The following STAT6 variants were observed in gnomAD, a reference collection of about 807,000 sequenced individuals.
The protein encoded by STAT6 is signal transducer and activator of transcription 6.
In STAT6, 45 loss-of-function variants were observed where a neutral mutation model predicts 106.3. That is an observed-to-expected ratio of 0.42 (90% CI 0.33 to 0.54). The LOEUF (loss-of-function observed/expected upper bound fraction) is 0.54, where lower values mean the gene tolerates loss of function less well. STAT6 is among the 20% of genes least tolerant of loss of function. STAT6 has a pLI of 0.06. For synonymous variants in STAT6, 413 were observed against 413.6 expected (o/e 1.00, Z 0.02); for missense variants, 797 against 1,062.2 (o/e 0.75, Z 3.47).
intron 7 of STAT6, 56 bp from the exon 8 acceptor site, chr12:57,105,655 A>G: frequency 6.3e-7 from 1 of 1,583,592 alleles, no homozygotes; most frequent in Non-Finnish European, 8.6e-7. Context: ...GCTCCGGCCC[A>G]GACCCCCTTC....
In STAT6 at chr12:57,106,228, C is replaced by T. The variant is rs1171661454; in HGVS notation, c.643G>A (p.Ala215Thr). The T allele has an allele frequency of 5.0e-6, 8 of 1,614,080 alleles. No homozygotes were observed. Among genetic ancestry groups the T allele is most frequent in the Non-Finnish European group, 6.8e-6 (8 of 1,180,038 alleles). Residue 215 changes from alanine to threonine, a missense_variant, in exon 7 of 22, where the codon GCA becomes ACA. By Grantham distance (58) the Ala-to-Thr change is moderately conservative (BLOSUM62 0). Around this residue, in one of 4 missense-constraint regions of STAT6, gnomAD observed 336 missense variants for 429.8 expected, o/e 0.78. Coordinates refer to ENST00000300134, the MANE Select transcript of STAT6 (RefSeq NM_003153.5). ...GGGGCCAGGCTCTCCTCAAACGGTG[C>T]GCCATTCCCTGCCAGCTGCTGCTGC... is the stretch of plus-strand genomic sequence containing the variant. ...KRQQQLAGNG[A>T]PFEESLAPLQ...
chr12:57,099,070 T>C lies in STAT6; in HGVS notation c.1900A>G (p.Met634Val). ...ACATAACCCCTGCCATCCTTACCCA[T>C]CTGTTCAGCTGTTGTGAGAAGGAAA... ...AFRSHYKPEQ[M>V]GKDGRGYVPA... The change falls in exon 17 of 22, where the codon ATG (methionine) becomes GTG (valine). Residue 634 changes from methionine (M) to valine (V), a missense_variant. By Grantham distance (21) the Met-to-Val change is conservative (BLOSUM62 1). Around this residue, in one of 4 missense-constraint regions of STAT6, gnomAD observed 222 missense variants for 354.6 expected, o/e 0.63. Coordinates refer to ENST00000300134, the MANE Select transcript of STAT6 (RefSeq NM_003153.5). The surrounding 1 kb of genome is among the most constrained non-coding windows in gnomAD (Gnocchi z 4.7). 1 of 1,614,022 alleles carries C rather than the reference T, an allele frequency of 6.2e-7. No individual in the cohort carries two copies. The highest frequency in any genetic ancestry group is 8.5e-7 in the Non-Finnish European group (1 of 1,180,008).
rs2136611141 is a variant in STAT6, at chr12:57,106,548, T to C, written c.511A>G (p.Asn171Asp). 1.2e-6 allele frequency: 2 copies of C among 1,614,172 alleles called. No individual in the cohort carries two copies. Among genetic ancestry groups the C allele is most frequent in the South Asian group, 1.1e-5 (1 of 91,070 alleles). ...CTCACCTCACTTGGCCCAGTCCCAT[T>C]AGCAGGAGTTTCTATCAAGCTGTGC... ...SLHSLIETPA[N>D]GTGPSEALAM... is the part of the protein sequence containing the mutation. Residue 171 changes from asparagine to aspartate, a missense_variant, in exon 6 of 22, where the codon AAT becomes GAT. Asn to Asp is a conservative substitution (Grantham distance 23). Coordinates refer to ENST00000300134, the MANE Select transcript of STAT6 (RefSeq NM_003153.5).
rs1462316171 is a variant in STAT6, at chr12:57,108,230, G to T, written c.49C>A (p.Arg17=). ...VSKMPPEKVQ[R]LYVDFPQHLR... is the part of the protein sequence containing the mutation. Reference sequence around the variant, plus strand: ...TGTTGGGGAAAGTCGACATAGAGCCGCTGCACTTTTTCTGGGGGCATCTTG... The same window carrying T: ...TGTTGGGGAAAGTCGACATAGAGCCTCTGCACTTTTTCTGGGGGCATCTTG... Residue 17 remains arginine, a synonymous_variant, in exon 2 of 22, where the codon CGG becomes AGG. Transcript: ENST00000300134. The T allele has an allele frequency of 6.2e-7, 1 of 1,612,860 alleles. No homozygotes were observed. Among genetic ancestry groups the T allele is most frequent in the Non-Finnish European group, 8.5e-7 (1 of 1,179,578 alleles).
Position 57,099,884 on chromosome 12 carries a change from T to C in STAT6, c.1627A>G (p.Ser543Gly), listed in dbSNP as rs1188706768. ...WSDRLIIGFI[S>G]KQYVTSLLLN... ...AGAAGGCTAGTAACGTACTGTTTGCTGATGAAGCCAATGATCAGCCTGGCC... is the reference window on the plus strand; with the variant it reads ...AGAAGGCTAGTAACGTACTGTTTGCCGATGAAGCCAATGATCAGCCTGGCC... Residue 543 changes from serine (S) to glycine (G), a missense_variant, in exon 15 of 22, where the codon AGC (serine) becomes GGC (glycine). Ser to Gly is a moderately conservative substitution (Grantham distance 56, BLOSUM62 0). Transcript: ENST00000300134. The surrounding 1 kb of genome is among the most constrained non-coding windows in gnomAD (Gnocchi z 4.7). The C allele has an allele frequency of 6.2e-7, 1 of 1,614,224 alleles. No homozygotes were observed. Among genetic ancestry groups the C allele is most frequent in the African/African-American group, 1.3e-5 (1 of 75,054 alleles).
In STAT6 at chr12:57,100,592, A is replaced by G. The variant is rs184568394; in HGVS notation, c.1513-502T>C. On this transcript the variant is annotated intron_variant, in intron 13 of 21. Transcript: ENST00000300134. ...ACATGAGCATTTCTTTCTTCTCTTT[A>G]AAGATTCTGTCTCACACAAAAGAAA... Among the ~76,000 whole-genome samples, 153 of 151,566 alleles carry G rather than the reference A, an allele frequency of 1.0e-3. No individual in the cohort carries two copies. In the Middle Eastern group the frequency reaches 0.01, roughly 10 times the overall value.
chr12:57,108,672 G>C (rs1402380626), intron 1 of STAT6, among the ~76,000 whole-genome samples: 1 of 152,226 alleles, frequency 6.6e-6, no homozygotes, highest in East Asian at 1.9e-4. Flanking sequence ...TAAAATATGA[G>C]TGTTAGATGA....
intron 1 of STAT6, among the ~76,000 whole-genome samples, chr12:57,108,906 C>T (rs2034431745): frequency 6.6e-6 from 1 of 152,158 alleles, no homozygotes; most frequent in African/African-American, 2.4e-5. Context: ...AATTTGAAAA[C>T]CACAAGGCTC....
Position 57,099,457 on chromosome 12 carries a change from A to T in STAT6, c.1745-17T>A. Reference sequence around the variant, plus strand: ...GTGGAGAGCCTATGGTAGGAAGGAGACCCTGAGATCCCTCTGTCCGGACTT... The same window carrying T: ...GTGGAGAGCCTATGGTAGGAAGGAGTCCCTGAGATCCCTCTGTCCGGACTT... On this transcript the variant is annotated splice_polypyrimidine_tract_variant and intron_variant, in intron 15 of 21. Transcript: ENST00000300134. The surrounding 1 kb of genome is among the most constrained non-coding windows in gnomAD (Gnocchi z 4.7). 1 of 1,613,822 alleles carries T rather than the reference A, an allele frequency of 6.2e-7. No individual in the cohort carries two copies. The highest frequency in any genetic ancestry group is 8.5e-7 in the Non-Finnish European group (1 of 1,179,938).
rs776765573 is a variant in STAT6 at position 57,105,479 on chromosome 12, G to A, written c.801C>T (p.Thr267=). The A allele has an allele frequency of 6.2e-7, 1 of 1,613,936 alleles. No homozygotes were observed. Among genetic ancestry groups the A allele is most frequent in the African/African-American group, 1.3e-5 (1 of 74,914 alleles). ...LTGRLDEVLR[T]LVTSCFLVEK... ...CTCCCGGGGAATACCTGGTGACGAG[G>A]GTTCTCAGGACTTCATCCAGCCGGC... The change falls in exon 8 of 22, where the codon ACC becomes ACT. Residue 267 remains threonine (T), a synonymous_variant. Coordinates refer to ENST00000300134, the MANE Select transcript of STAT6 (RefSeq NM_003153.5).
chr12:57,097,326 G>A (rs1415395916), intron 19 of STAT6, 193 bp from the exon 20 acceptor site: 3 of 418,756 alleles, frequency 7.2e-6, no homozygotes, highest in Non-Finnish European at 4.1e-6. Context: ...GGGTGGATTA[G>A]CCAATTTCTA....
chr12:57,104,905 A>C, intron 9 of STAT6, 92 bp from the exon 10 acceptor site: 2 of 1,440,292 alleles, frequency 1.4e-6, no homozygotes, highest in Non-Finnish European at 1.9e-6. Flanking sequence ...CACTGTCACC[A>C]GCCCTAAATC....
chr12:57,105,946 G>T, intron 7 of STAT6: 2 of 664,252 alleles, frequency 3.0e-6, no homozygotes, highest in African/African-American at 1.8e-5. Context: ...ATTCCTCTAG[G>T]CATGGGGCTT....
intron 19 of STAT6, 32 bp from the exon 20 acceptor site, chr12:57,097,165 G>T: frequency 6.7e-7 from 1 of 1,492,954 alleles, no homozygotes; most frequent in Non-Finnish European, 8.9e-7. Flanking sequence ...TTAGAGGAAG[G>T]CAGGCTAGGC....
intron 9 of STAT6, 109 bp from the exon 10 acceptor site, chr12:57,104,922 T>C (rs895741050): frequency 5.9e-6 from 8 of 1,362,510 alleles, no homozygotes; most frequent in Non-Finnish European, 8.2e-6. Flanking sequence ...AATCTCCATG[T>C]CTCTGTTTGG....
At chr12:57,104,416 A>C in intron 11 of STAT6, 48 bp downstream of exon 11, 1 of 1,580,158 alleles carries the variant, frequency 6.3e-7, no homozygotes, top group Non-Finnish European at 8.6e-7. Context: ...GTGGCATTGG[A>C]GGAGGACTCG....
At chr12:57,100,133 A>T (rs749072990) in intron 13 of STAT6, 43 bp from the exon 14 acceptor site, 1 of 1,533,690 alleles carries the variant, frequency 6.5e-7, no homozygotes, top group Non-Finnish European at 8.9e-7. Flanking sequence ...GGAGGGCCAG[A>T]GCTGGAGCCT....
At chr12:57,107,813 A>G in intron 2 of STAT6, 70 bp from the exon 3 acceptor site, 2 of 1,595,926 alleles carry the variant, frequency 1.3e-6, no homozygotes, top group Admixed American at 1.7e-5. Flanking sequence ...TTTACCCCAC[A>G]GCCAAAAGCT....
Position 57,095,909 on chromosome 12 carries a change from C to G in STAT6, c.*663G>C, listed in dbSNP as rs114061183. 2.6e-5 allele frequency: 4 copies of G among 152,342 alleles called. No homozygotes were observed. In the East Asian group the frequency reaches 7.7e-4, roughly 29 times the overall value. The allele number at this position is 152,342 out of a possible 1,614,324, so 9.4% of individuals were successfully genotyped here. ...ACATACACGTTCACACAGCTATACA[C>G]GAAGAATCTCAGCCCTTGTACTTTT... On this transcript the variant is annotated 3_prime_UTR_variant, in exon 22 of 22. Coordinates refer to ENST00000300134, the MANE Select transcript of STAT6 (RefSeq NM_003153.5).
Sources: allele counts gnomAD v4.1 joint callset (sites outside exome capture counted in the v4.1 genomes callset), GRCh38; gene constraint gnomAD v4.1.1; regional missense constraint gnomAD v4.1.1; non-coding constraint Gnocchi (gnomAD v3.1); transcripts MANE v1.5; gene names NCBI Gene and HGNC (gene_info 2026-07-23, HGNC 2026-07-21).